The following TBC1D1 variants were observed in gnomAD, a reference collection of about 807,000 sequenced individuals.
TBC1D1 encodes TBC1 domain family member 1.
In TBC1D1, 89 loss-of-function variants were observed where a neutral mutation model predicts 125.6. That is an observed-to-expected ratio of 0.71 (90% CI 0.60 to 0.85). The LOEUF (loss-of-function observed/expected upper bound fraction) is 0.85, where lower values mean the gene tolerates loss of function less well. TBC1D1 is among the 40% of genes least tolerant of loss of function. The pLI, the probability that TBC1D1 is intolerant of heterozygous loss-of-function variation, is 0.00. For synonymous variants in TBC1D1, 565 were observed against 564.1 expected (o/e 1.00, Z -0.02); for missense variants, 1,377 against 1,469.2 (o/e 0.94, Z 1.03).
chr4:37,954,444 G>A (rs1475234237), intron 2 of TBC1D1, among the ~76,000 whole-genome samples: 3 of 151,996 alleles, frequency 2.0e-5, no homozygotes, highest in Non-Finnish European at 2.9e-5. Context: ...ATTCCATGGG[G>A]CTACAGCTGA....
chr4:38,021,589 G>T lies in TBC1D1; in HGVS notation c.1081G>T (p.Asp361Tyr). 6.5e-7 allele frequency: 1 copy of T among 1,543,850 alleles called. No individual in the cohort carries two copies. The highest frequency in any genetic ancestry group is 2.1e-5 in the Admixed American group (1 of 47,282). Residue 361 changes from aspartate (D) to tyrosine (Y), a missense_variant, in exon 6 of 20, where the codon GAT (aspartate) becomes TAT (tyrosine). By Grantham distance (160) the Asp-to-Tyr change is radical. This residue lies in a region of TBC1D1 where 822 missense variants were observed against 824.6 expected (regional missense o/e 1.00). Coordinates refer to ENST00000261439, the MANE Select transcript of TBC1D1 (RefSeq NM_015173.4). ...AACTTCTCTTCTCTTTGATTAGGTT[G>T]ATGAAATTATGATGACCCTGAAACA...
chr4:37,927,960 G>T (rs570502823), intron 2 of TBC1D1, among the ~76,000 whole-genome samples: 1 of 152,242 alleles, frequency 6.6e-6, no homozygotes, highest in East Asian at 1.9e-4. Flanking sequence ...GGTCATTATT[G>T]TCCCTTCACA....
chr4:38,075,172 A>G (rs983855552), intron 12 of TBC1D1, among the ~76,000 whole-genome samples: 7 of 152,328 alleles, frequency 4.6e-5, no homozygotes, highest in African/African-American at 1.7e-4. Context: ...GTTTTCAAGG[A>G]GCATTTGAAC....
intron 13 of TBC1D1, among the ~76,000 whole-genome samples, chr4:38,093,614 T>C (rs2152543302): frequency 1.3e-5 from 2 of 149,146 alleles, no homozygotes; most frequent in Middle Eastern, 6.9e-3. Flanking sequence ...AACCTCCGCC[T>C]CCTGGGTTCA....
intron 12 of TBC1D1, among the ~76,000 whole-genome samples, chr4:38,084,458 CTCTG>C (rs1757132972): frequency 6.6e-6 from 1 of 152,266 alleles, no homozygotes; most frequent in Non-Finnish European, 1.5e-5. Flanking sequence ...ACACAGAAAT[CTCTG>C]CCTCCTGGGC....
At chr4:38,103,664 G>T (rs893310190) in intron 15 of TBC1D1, among the ~76,000 whole-genome samples, 8 of 152,150 alleles carry the variant, frequency 5.3e-5, no homozygotes, top group African/African-American at 1.9e-4. Flanking sequence ...TTTAAAATAA[G>T]AAGATGGGAA....
intron 2 of TBC1D1, among the ~76,000 whole-genome samples, chr4:37,915,144 C>CATGAATGA (rs375450488): frequency 6.6e-6 from 1 of 152,200 alleles, no homozygotes; most frequent in South Asian, 2.1e-4. Flanking sequence ...GTAGATACTT[C>CATGAATGA]ATGAATGAAT....
At chr4:38,102,489 A>G (rs933644472) in intron 14 of TBC1D1, among the ~76,000 whole-genome samples, 2 of 152,028 alleles carry the variant, frequency 1.3e-5, no homozygotes, top group African/African-American at 2.4e-5. Context: ...GGAAGGGGCC[A>G]GGGAAGTGAG....
At chr4:38,088,329 T>C (rs1757887125) in intron 12 of TBC1D1, among the ~76,000 whole-genome samples, 1 of 152,258 alleles carries the variant, frequency 6.6e-6, no homozygotes, top group African/African-American at 2.4e-5. Context: ...TTTCCATCTT[T>C]CATTTTAATT....
intron 18 of TBC1D1, among the ~76,000 whole-genome samples, chr4:38,130,959 C>T (rs1765488443): frequency 6.6e-6 from 1 of 152,162 alleles, no homozygotes; most frequent in Non-Finnish European, 1.5e-5. Context: ...TTTTCTTTCC[C>T]CAAGTAATTA....
chr4:38,063,914 C>T (rs953615486), intron 12 of TBC1D1, among the ~76,000 whole-genome samples: 1 of 152,190 alleles, frequency 6.6e-6, no homozygotes, highest in African/African-American at 2.4e-5. Flanking sequence ...CAGGCGTGAG[C>T]CCGACCCACC....
chr4:38,116,046 C>G, intron 16 of TBC1D1, 92 bp downstream of exon 18: 1 of 1,424,202 alleles, frequency 7.0e-7, no homozygotes, highest in East Asian at 2.3e-5. Context: ...TTTTCACCGT[C>G]AGGTAACATT....
chr4:37,958,738 G>T (rs1729382211), intron 2 of TBC1D1, among the ~76,000 whole-genome samples: 1 of 152,202 alleles, frequency 6.6e-6, no homozygotes, highest in South Asian at 2.1e-4. Flanking sequence ...CGGAAGAGTT[G>T]AAAGAAGTTG....
intron 2 of TBC1D1, among the ~76,000 whole-genome samples, chr4:37,981,237 C>G (rs555934570): frequency 6.6e-6 from 1 of 152,326 alleles, no homozygotes; most frequent in South Asian, 2.1e-4. Flanking sequence ...GCCATTGCAT[C>G]CAGCCCACAG....
At chr4:38,113,784 A>G (rs1578779875) in intron 15 of TBC1D1, among the ~76,000 whole-genome samples, 1 of 152,198 alleles carries the variant, frequency 6.6e-6, no homozygotes, top group African/African-American at 2.4e-5. Context: ...AGATGTGGCT[A>G]CTCCAAATTG....
In TBC1D1 at chr4:37,954,000, C is replaced by T. The variant is rs573176339; in HGVS notation, c.417+51488C>T. Among the ~76,000 whole-genome samples the T allele has an allele frequency of 7.2e-5, 11 of 152,248 alleles. 1 individual carries two copies. In the East Asian group the frequency reaches 9.6e-4, roughly 13 times the overall value. ...GAGATTTCCAAGCGATTCATAGGCC[C>T]ATTAAACTCTGGTCTAGAAAACAGA... On this transcript the variant is annotated intron_variant, in intron 2 of 19. Transcript: ENST00000261439.
intron 8 of TBC1D1, among the ~76,000 whole-genome samples, chr4:38,043,582 C>T (rs899156038): frequency 8.4e-6 from 1 of 119,472 alleles, no homozygotes; most frequent in Non-Finnish European, 1.7e-5. Context: ...GACCCTGGCA[C>T]CCTGTCTCAA....
chr4:37,968,119 G>A (rs1731392968), intron 2 of TBC1D1, among the ~76,000 whole-genome samples: 2 of 152,192 alleles, frequency 1.3e-5, no homozygotes, highest in Non-Finnish European at 2.9e-5. Context: ...AATTTAGCTG[G>A]TTTTGAAATA....
intron 2 of TBC1D1, among the ~76,000 whole-genome samples, chr4:37,982,720 GATAAAGT>G (rs1358250868): frequency 1.3e-5 from 2 of 152,330 alleles, no homozygotes; most frequent in Non-Finnish European, 1.5e-5. Flanking sequence ...GAGAAAAAAA[GATAAAGT>G]ATAATTTGTT....
Sources: gnomAD v4.1 joint callset for allele counts (sites outside exome capture counted in the v4.1 genomes callset) on GRCh38, gnomAD v4.1.1 for gene constraint, gnomAD v4.1.1 regional missense constraint, MANE v1.5 for transcripts, NCBI Gene and HGNC (gene_info 2026-07-23, HGNC 2026-07-21) for gene names.